CGGBP1: variants seen among roughly 807,000 people sequenced by gnomAD.
CGGBP1 encodes CGG triplet repeat-binding protein 1.
A neutral mutation model predicts 11.4 loss-of-function variants in CGGBP1; 4 were observed. The observed-to-expected ratio is 0.35, with a 90% confidence interval of 0.17 to 0.80. CGGBP1 has a LOEUF of 0.80. Among genes scored for constraint, CGGBP1 ranks in the 30% least tolerant of loss-of-function variants. The pLI is 0.52. For missense variants in CGGBP1, 135 were observed against 202.1 expected (o/e 0.67, Z 2.01); for synonymous variants, 76 against 74.1 (o/e 1.03, Z -0.13).
upstream of CGGBP1, among the ~76,000 whole-genome samples, chr3:88,061,956 A>T (rs1157451646): frequency 6.6e-6 from 1 of 152,184 alleles, no homozygotes; most frequent in African/African-American, 2.4e-5. Flanking sequence ...AGAGGGAAAT[A>T]TGAATCAAAA....
At chr3:88,081,702 A>C (rs1183411060) in intron 2 of CGGBP1, among the ~76,000 whole-genome samples, 1 of 152,164 alleles carries the variant, frequency 6.6e-6, no homozygotes, top group Non-Finnish European at 1.5e-5. Context: ...TGTTTTTCAC[A>C]GCATTTCTCT....
At chr3:88,097,116 C>A (rs1184369761) in intron 2 of CGGBP1, among the ~76,000 whole-genome samples, 1 of 152,054 alleles carries the variant, frequency 6.6e-6, no homozygotes, top group Non-Finnish European at 1.5e-5. Flanking sequence ...TTATCAACAA[C>A]CCTTTAATGA....
chr3:88,111,500 T>A (rs1404463324), intron 2 of CGGBP1, among the ~76,000 whole-genome samples: 4 of 152,038 alleles, frequency 2.6e-5, no homozygotes, highest in African/African-American at 7.2e-5. Flanking sequence ...TGGAATTTTT[T>A]AATTCATATA....
At chr3:88,059,405 G>T, upstream of CGGBP1, 2 of 1,532,592 alleles carry the variant, frequency 1.3e-6, no homozygotes, top group Non-Finnish European at 1.7e-6. Context: ...GGCCCTGTGG[G>T]GCTTAGAGCT....
At chr3:88,148,597 T>C (rs889142910) in intron 1 of CGGBP1, among the ~76,000 whole-genome samples, 3 of 152,210 alleles carry the variant, frequency 2.0e-5, no homozygotes, top group African/African-American at 7.2e-5. Context: ...ATATTTTGAA[T>C]GCTTTAAGGA....
chr3:88,087,386 T>G (rs1448631159), intron 2 of CGGBP1, among the ~76,000 whole-genome samples: 1 of 152,150 alleles, frequency 6.6e-6, no homozygotes, highest in Non-Finnish European at 1.5e-5. Flanking sequence ...AAAATCCTGG[T>G]TTTTAAAAAA....
upstream of CGGBP1, among the ~76,000 whole-genome samples, chr3:88,060,214 A>G (rs1294261908): frequency 6.6e-6 from 1 of 152,100 alleles, no homozygotes; most frequent in Non-Finnish European, 1.5e-5. Flanking sequence ...TCCGGTTAAC[A>G]TCACCAACCC....
chr3:88,067,732 T>G lies in CGGBP1; in HGVS notation c.-228-9509A>C, dbSNP rs564565294. On this transcript the variant is annotated intron_variant, in intron 2 of 3. Coordinates refer to the CGGBP1 transcript ENST00000462901. ...TGGGTGACTCTAAACAGAGCTGTTT[T>G]GGTGTAGTGATGGGATCAGTAGTCA... 6.2e-4 allele frequency among the ~76,000 whole-genome samples: 95 copies of G among 152,296 alleles called. 1 individual carries two copies. The highest frequency in any genetic ancestry group is 2.2e-3 in the African/African-American group (92 of 41,568).
intron 1 of CGGBP1, among the ~76,000 whole-genome samples, chr3:88,147,366 T>C (rs1449924403): frequency 3.9e-5 from 6 of 152,138 alleles, no homozygotes; most frequent in Non-Finnish European, 7.4e-5. Flanking sequence ...GAAACAGCCA[T>C]TCAGATATCC....
chr3:88,140,123 G>A, intron 2 of CGGBP1: 1 of 1,613,794 alleles, frequency 6.2e-7, no homozygotes, highest in Non-Finnish European at 8.5e-7. Flanking sequence ...ATTTTTGTTT[G>A]CATTTTAATT....
At chr3:88,143,940 A>G (rs1432778964) in intron 1 of CGGBP1, 1 of 152,138 alleles carries the variant, frequency 6.6e-6, no homozygotes, top group African/African-American at 2.4e-5. Context: ...TAAACTTCCA[A>G]CAGTTCTAAT....
At chr3:88,126,221 C>G (rs1706089322) in intron 2 of CGGBP1, 1 of 1,529,942 alleles carries the variant, frequency 6.5e-7, no homozygotes, top group African/African-American at 1.4e-5. Context: ...ATGGGAAGAT[C>G]CAGTGTTGCA....
intron 2 of CGGBP1, chr3:88,140,565 A>G (rs1707061007): frequency 5.0e-6 from 8 of 1,613,758 alleles, no homozygotes; most frequent in Non-Finnish European, 6.8e-6. Context: ...CATAGAGCCA[A>G]ATTCTGAAAA....
chr3:88,061,358 T>A (rs1405803608), upstream of CGGBP1, among the ~76,000 whole-genome samples: 1 of 152,192 alleles, frequency 6.6e-6, no homozygotes, highest in African/African-American at 2.4e-5. Flanking sequence ...TGAAGTTGAC[T>A]ACTTTATGAC....
Position 88,108,175 on chromosome 3 carries a change from C to CAT in CGGBP1, c.-229+32794_-229+32795insAT, listed in dbSNP as rs1202302235. 1.8e-3 allele frequency among the ~76,000 whole-genome samples: 266 copies of CAT among 151,894 alleles called. 1 individual carries two copies. Among genetic ancestry groups the CAT allele is most frequent in the African/African-American group, 5.2e-3 (216 of 41,438 alleles). On this transcript the variant is annotated intron_variant, in intron 2 of 3. Coordinates refer to the CGGBP1 transcript ENST00000462901. ...CATGTAGGTATATGAATTCAGGTCA[C>CAT]GACCTACATGAGAAGATTTTCAAAG...
intron 3 of CGGBP1, chr3:88,056,727 CTTA>C (rs1706551292): frequency 1.5e-5 from 1 of 67,256 alleles, no homozygotes. Flanking sequence ...TTTGTTAATA[CTTA>C]CTTCACTTAA....
In CGGBP1 at chr3:88,110,189, T is replaced by C. The variant is rs75394627; in HGVS notation, c.-229+30781A>G. ...AGTTACTATTATTGTGTTTTATAAA[T>C]AAACTGAAGCATTGAGATATTAAGT... On this transcript the variant is annotated intron_variant, in intron 2 of 3. Coordinates refer to the CGGBP1 transcript ENST00000462901. 5.2e-4 allele frequency among the ~76,000 whole-genome samples: 79 copies of C among 152,256 alleles called. No homozygotes were observed. In the East Asian group the frequency reaches 0.014, roughly 27 times the overall value.
intron 2 of CGGBP1, among the ~76,000 whole-genome samples, chr3:88,088,797 G>GATGGAGTC (rs1490645371): frequency 1.3e-5 from 2 of 151,722 alleles, no homozygotes; most frequent in African/African-American, 4.8e-5. Flanking sequence ...TGGATGGATG[G>GATGGAGTC]AGTCTGGCTC....
rs199635908 is a variant in CGGBP1 at position 88,117,954 on chromosome 3, A to C, written c.-229+23016T>G. 2.9e-3 allele frequency among the ~76,000 whole-genome samples: 434 copies of C among 152,198 alleles called. 12 individuals are homozygous for C. In the East Asian group the frequency reaches 0.039, roughly 14 times the overall value. On this transcript the variant is annotated intron_variant, in intron 2 of 3. Coordinates refer to the CGGBP1 transcript ENST00000462901. ...TTGCCCAATAGATGATTAAAAAAAAAAAACAACCAAGAACATTTACTACTT... is the reference window on the plus strand; with the variant it reads ...TTGCCCAATAGATGATTAAAAAAAACAAACAACCAAGAACATTTACTACTT...
Sources: gnomAD v4.1 joint callset for allele counts (sites outside exome capture counted in the v4.1 genomes callset) on GRCh38, gnomAD v4.1.1 for gene constraint, MANE v1.5 for transcripts, NCBI Gene and HGNC (gene_info 2026-07-23, HGNC 2026-07-21) for gene names.